The following EIF3CL variants were observed in gnomAD, a reference collection of about 807,000 sequenced individuals.
EIF3CL encodes eukaryotic translation initiation factor 3 subunit C like.
For missense variants in EIF3CL, 5 were observed against 56.1 expected (o/e 0.09, Z 2.91); for synonymous variants, 2 against 19.6 (o/e 0.10, Z 2.37).
the EIF3CL span, among the ~76,000 whole-genome samples, chr16:28,417,849 A>G: frequency 2.5e-5 from 2 of 79,984 alleles, no homozygotes; most frequent in Admixed American, 1.3e-4. Context: ...AAAAACTCAA[A>G]TAAAGTTTGC....
At chr16:28,410,911 GT>G in the EIF3CL span, among the ~76,000 whole-genome samples, 67 of 122,292 alleles carry the variant, frequency 5.5e-4, 1 homozygote. Context: ...AGTTTTGCCG[GT>G]TCTTGAGCTT....
chr16:28,403,398 T>G (rs1320360368), intron 2 of EIF3CL, 120 bp downstream of exon 2: 3 of 26,094 alleles, frequency 1.1e-4, no homozygotes, highest in African/African-American at 3.6e-4. Flanking sequence ...CAAACTCTGG[T>G]CATTGTCCAA....
the EIF3CL span, among the ~76,000 whole-genome samples, chr16:28,423,856 C>T: frequency 8.7e-6 from 1 of 114,770 alleles, no homozygotes; most frequent in East Asian, 2.7e-4. Context: ...GAGTCTTGCT[C>T]TGTTGCCCAG....
chr16:28,421,636 G>A, the EIF3CL span, among the ~76,000 whole-genome samples: 35 of 23,904 alleles, frequency 1.5e-3, no homozygotes, highest in African/African-American at 4.0e-3. Context: ...TAGGCAACAC[G>A]GCAAAACCCC....
At chr16:28,424,010 T>C in the EIF3CL span, among the ~76,000 whole-genome samples, 7 of 95,370 alleles carry the variant, frequency 7.3e-5, no homozygotes, top group Non-Finnish European at 8.6e-5. Context: ...TTTTTTGAGA[T>C]GGAGTCTCAC....
chr16:28,417,841 A>C, the EIF3CL span, among the ~76,000 whole-genome samples: 3 of 148,274 alleles, frequency 2.0e-5, no homozygotes, highest in Admixed American at 6.9e-5. Flanking sequence ...AAAAAAAAAA[A>C]AACTCAAATA....
the EIF3CL span, among the ~76,000 whole-genome samples, chr16:28,424,257 G>A: frequency 9.9e-6 from 1 of 100,644 alleles, no homozygotes; most frequent in Non-Finnish European, 2.0e-5. Flanking sequence ...CAAAGTGCTG[G>A]GATTACAGGT....
chr16:28,389,522 A>AT (rs1206861256), intron 13 of EIF3CL, among the ~76,000 whole-genome samples: 6 of 3,720 alleles, frequency 1.6e-3, no homozygotes, highest in African/African-American at 4.1e-3. Context: ...ACATCATACT[A>AT]TTTTTTTTTT....
the EIF3CL span, among the ~76,000 whole-genome samples, chr16:28,426,123 A>AAAC: frequency 9.3e-6 from 1 of 107,972 alleles, no homozygotes; most frequent in Non-Finnish European, 1.9e-5. Context: ...ACACACACGC[A>AAAC]AACAACAACA....
chr16:28,408,204 C>CAAAAA (rs1224629208), upstream of EIF3CL, among the ~76,000 whole-genome samples: 9 of 47,858 alleles, frequency 1.9e-4, no homozygotes, highest in African/African-American at 4.5e-4. Context: ...ACCTTGTCGC[C>CAAAAA]AAAAAAAAAA....
chr16:28,417,178 C>A, the EIF3CL span, among the ~76,000 whole-genome samples: 1 of 145,608 alleles, frequency 6.9e-6, no homozygotes, highest in East Asian at 2.0e-4. Flanking sequence ...GCCGCCCCGT[C>A]CGGGAGGGAG....
At chr16:28,418,102 C>T in the EIF3CL span, among the ~76,000 whole-genome samples, 21 of 150,362 alleles carry the variant, frequency 1.4e-4, no homozygotes, top group African/African-American at 2.2e-4. Context: ...AGCCTCTGTG[C>T]GGGGTAAAAA....
chr16:28,387,531 T>G (rs1466424816), intron 15 of EIF3CL, among the ~76,000 whole-genome samples: 1 of 150,384 alleles, frequency 6.6e-6, no homozygotes, highest in African/African-American at 2.4e-5. Context: ...CTTACAAGAA[T>G]GTTCACAGCA....
intron 15 of EIF3CL, among the ~76,000 whole-genome samples, chr16:28,387,491 G>A (rs111292448): frequency 0.022 from 3,327 of 150,020 alleles, 14 homozygotes; most frequent in African/African-American, 0.077. Flanking sequence ...ACTAGCAGGA[G>A]TGTAAAATGG....
chr16:28,419,154 C>A, the EIF3CL span, among the ~76,000 whole-genome samples: 1 of 149,132 alleles, frequency 6.7e-6, no homozygotes, highest in Non-Finnish European at 1.5e-5. Context: ...CTACAGGTGC[C>A]CGCCATCACG....
At chr16:28,386,123 T>C (rs1305616472) in intron 15 of EIF3CL, among the ~76,000 whole-genome samples, 5 of 12,090 alleles carry the variant, frequency 4.1e-4, no homozygotes, top group Non-Finnish European at 3.2e-4. Context: ...GGCAGGAGAA[T>C]TGCCTGAACC....
the EIF3CL span, among the ~76,000 whole-genome samples, chr16:28,416,679 T>C: frequency 1.8e-4 from 12 of 67,278 alleles, no homozygotes; most frequent in East Asian, 5.0e-4. Flanking sequence ...GTGAGGAGCG[T>C]CTCCGCCCGG....
chr16:28,417,406 CG>C, the EIF3CL span, among the ~76,000 whole-genome samples: 2 of 130,606 alleles, frequency 1.5e-5, no homozygotes, highest in Non-Finnish European at 3.3e-5. Context: ...ATTGAGAAAT[CG>C]GATGGTTGCC....
the EIF3CL span, among the ~76,000 whole-genome samples, chr16:28,417,827 T>TAA: frequency 4.8e-5 from 5 of 104,294 alleles, no homozygotes; most frequent in Admixed American, 9.3e-5. Flanking sequence ...AAAATAAATT[T>TAA]AAAAAAAAAA....
Sources: gnomAD v4.1 joint callset for allele counts (sites outside exome capture counted in the v4.1 genomes callset) on GRCh38, gnomAD v4.1.1 for gene constraint, MANE v1.5 for transcripts, NCBI Gene and HGNC (gene_info 2026-07-23, HGNC 2026-07-21) for gene names.